MYOM3: variants seen among roughly 807,000 people sequenced by gnomAD.
MYOM3 encodes the protein myomesin 3.
In MYOM3, 155 loss-of-function variants were observed where a neutral mutation model predicts 191.7. That is an observed-to-expected ratio of 0.81 (90% CI 0.71 to 0.92). The LOEUF is 0.92. Among genes scored for constraint, MYOM3 ranks in the 40% least tolerant of loss-of-function variants. MYOM3 has a pLI of 0.00. For synonymous variants in MYOM3, 757 were observed against 762.9 expected, an observed-to-expected ratio of 0.99 and a Z score of 0.13; for missense variants, 1,889 against 1,890.6, an observed-to-expected ratio of 1.00 and a Z score of 0.02.
chr1:24,085,476 T>C (rs1387328756), intron 15 of MYOM3, among the ~76,000 whole-genome samples: 1 of 152,194 alleles, frequency 6.6e-6, no homozygotes. Context: ...TCCTTACACA[T>C]CCTTTGGTTG....
chr1:24,067,053 T>A lies in MYOM3; in HGVS notation c.3391A>T (p.Thr1131Ser), dbSNP rs533595083. Residue 1131 changes from threonine (T) to serine (S), a missense_variant, in exon 28 of 37, where the codon ACG becomes TCG. By Grantham distance (58) the Thr-to-Ser change is moderately conservative. Transcript: ENST00000374434. ...GTCAGCTGCACTTGGCAGTCCTCCG[T>A]GACCTTCCACTGCAACGGCCGCTCA... ...YFERPLQWKV[T>S]EDCQVQLTCK... 17 of 1,579,244 alleles carry A rather than the reference T, an allele frequency of 1.1e-5. No homozygotes were observed. The South Asian group carries it at 2.0e-4, about 18-fold the overall frequency.
At position 24,086,790 on chromosome 1, in the gene MYOM3, G is replaced by A. The variant is rs757794528; in HGVS notation, c.1652C>T (p.Ser551Leu). The A allele has an allele frequency of 2.9e-5, 47 of 1,614,026 alleles. No individual in the cohort carries two copies. In the Admixed American group the frequency reaches 6.5e-4, roughly 22 times the overall value. Residue 551 changes from serine (S) to leucine (L), a missense_variant, in exon 15 of 37, where the codon TCG becomes TTG. Ser to Leu is a moderately radical substitution (Grantham distance 145). Transcript: ENST00000374434. Reference protein sequence around the residue: ...IGSGTWEAISSESPVRSPRFA... With the variant: ...IGSGTWEAISLESPVRSPRFA... Reference sequence around the variant, plus strand: ...TCTCGGGGATCTCACAGGGCTTTCCGAGCTGATGGCCTCCCAGGTGCCACT... The same window carrying A: ...TCTCGGGGATCTCACAGGGCTTTCCAAGCTGATGGCCTCCCAGGTGCCACT...
chr1:24,057,335 A>G lies in MYOM3; in HGVS notation c.*29T>C. 1 of 1,602,166 alleles carries G rather than the reference A, an allele frequency of 6.2e-7. No individual in the cohort carries two copies. Among genetic ancestry groups the G allele is most frequent in the Non-Finnish European group, 8.5e-7 (1 of 1,173,610 alleles). On this transcript the variant is annotated 3_prime_UTR_variant, in exon 37 of 37. Coordinates refer to ENST00000374434, the MANE Select transcript of MYOM3 (RefSeq NM_152372.4). ...TTGTCCCTACTGGTCCATGTAGACT[A>G]GACTCAGACTGTGCCTGGACACACG...
intron 16 of MYOM3, 67 bp from the exon 17 acceptor site, chr1:24,082,781 A>C (rs1643689691): frequency 2.0e-6 from 3 of 1,494,258 alleles, no homozygotes; most frequent in Middle Eastern, 1.8e-4. Flanking sequence ...AACTTGCTAG[A>C]ACAACTTTGT....
intron 27 of MYOM3, among the ~76,000 whole-genome samples, chr1:24,067,289 T>TTTCTTTCTTTCTTTCTTTCC (rs1643450315): frequency 2.3e-5 from 3 of 132,302 alleles, no homozygotes; most frequent in Non-Finnish European, 4.7e-5. Flanking sequence ...CCTTCCTTTC[T>TTTCTTTCTTTCTTTCTTTCC]TTCTTTCTTT....
At chr1:24,064,421 A>G (rs1335034758) in intron 29 of MYOM3, 2 of 465,068 alleles carry the variant, frequency 4.3e-6, no homozygotes, top group Non-Finnish European at 7.7e-6. Flanking sequence ...TTGAGGACAG[A>G]ACCAGACACC....
rs576678941 is a variant in MYOM3 at position 24,105,926 on chromosome 1, A to G, written c.554T>C (p.Val185Ala). The G allele has an allele frequency of 7.5e-5, 121 of 1,603,990 alleles. 2 individuals carry two copies. In the African/African-American group the frequency reaches 1.1e-3, roughly 15 times the overall value. The part of the protein sequence containing the change: ...CTVQASPPPQ[V>A]TWYKNDTRID... ...TCCTGCCCCAGCGGCTTACCAGGTG[A>G]CCTGGGGTGGTGGTGAGGCCTGGAC... Residue 185 changes from valine to alanine, a missense_variant, in exon 5 of 37, where the codon GTC (valine) becomes GCC (alanine). Transcript: ENST00000374434.
intron 1 of MYOM3, among the ~76,000 whole-genome samples, chr1:24,110,189 C>T (rs1006096431): frequency 2.0e-5 from 3 of 152,218 alleles, no homozygotes; most frequent in African/African-American, 7.2e-5. Context: ...TCCTGGTCTG[C>T]AGGCTTCTGG....
chr1:24,099,643 T>G (rs1570884739), intron 6 of MYOM3, 37 bp downstream of exon 6: 1 of 1,535,236 alleles, frequency 6.5e-7, no homozygotes, highest in South Asian at 1.1e-5. Flanking sequence ...GGTGGCAGGG[T>G]CTGGGGTCAT....
At position 24,095,505 on chromosome 1, in the gene MYOM3, A is replaced by G. The variant is rs757905027; in HGVS notation, c.746-19T>C. 1.4e-5 allele frequency: 23 copies of G among 1,611,366 alleles called. No homozygotes were observed. Among genetic ancestry groups the G allele is most frequent in the Non-Finnish European group, 2.0e-5 (23 of 1,178,290 alleles). On this transcript the variant is annotated intron_variant, in intron 7 of 36. Transcript: ENST00000374434. ...AGGTAAGCTGAAAAACCAAAGGCAA[A>G]CAGAGTTGGAGAAGGTTCAGAGCCC...
rs1405053843 is a variant in MYOM3, at chr1:24,057,249, T to G, written c.*115A>C. 42 of 1,065,048 alleles carry G rather than the reference T, an allele frequency of 3.9e-5. No individual in the cohort carries two copies. The highest frequency in any genetic ancestry group is 5.7e-5 in the Non-Finnish European group (42 of 740,176). 66.0% of individuals were successfully genotyped at this position (1,065,048 alleles called of 1,614,324 possible). ...CCACCCTCACATCCTGGGTTCTATC[T>G]TGTCCCCTTTCCTTCTGCCCCACCC... is the stretch of plus-strand genomic sequence containing the variant. On this transcript the variant is annotated 3_prime_UTR_variant, in exon 37 of 37. Transcript: ENST00000374434.
intron 36 of MYOM3, 68 bp from the exon 37 acceptor site, chr1:24,057,695 GC>G: frequency 1.4e-6 from 2 of 1,461,964 alleles, no homozygotes; most frequent in Non-Finnish European, 1.9e-6. Context: ...TTGCTTTCAT[GC>G]CCCCAGAGAG....
Position 24,074,259 on chromosome 1 carries a change from T to A in MYOM3, c.2869A>T (p.Ile957Phe). 1 of 1,613,930 alleles carries A rather than the reference T, an allele frequency of 6.2e-7. No homozygotes were observed. Among genetic ancestry groups the A allele is most frequent in the African/African-American group, 1.3e-5 (1 of 75,036 alleles). The change falls in exon 23 of 37, where the codon ATC (isoleucine) becomes TTC (phenylalanine). Residue 957 changes from isoleucine (I) to phenylalanine (F), a missense_variant. Ile to Phe is a conservative substitution (Grantham distance 21). Transcript: ENST00000374434. ...TCCTCGAGGCCGGGTTCTTTCAGGA[T>A]GACCTTGGACCTGGCAGAGAGAGGA... The part of the protein sequence containing the change: ...IEDKVNKSKV[I>F]LKEPGLEDLG...
In MYOM3 at chr1:24,079,990, C is replaced by T. The variant is rs752033967; in HGVS notation, c.2586+26G>A. 22 of 1,583,850 alleles carry T rather than the reference C, an allele frequency of 1.4e-5. No individual in the cohort carries two copies. The Admixed American group carries it at 3.8e-4, about 27-fold the overall frequency. ...GTGGCAGGGAAGGCTCAGGGCCAGT[C>T]AGAAGATGAAGGCATAAGAACTTAC... On this transcript the variant is annotated intron_variant, in intron 20 of 36. Transcript: ENST00000374434.
intron 23 of MYOM3, 74 bp downstream of exon 23, chr1:24,074,086 G>T: frequency 8.1e-7 from 1 of 1,228,598 alleles, no homozygotes; most frequent in Admixed American, 2.0e-5. Flanking sequence ...GTTGCTTTTT[G>T]CTGACCTGTG....
At chr1:24,106,195 C>T (rs1643982079) in intron 4 of MYOM3, 118 bp from the exon 5 acceptor site, 2 of 1,162,090 alleles carry the variant, frequency 1.7e-6, no homozygotes, top group Non-Finnish European at 2.4e-6. Context: ...GGCTGGAGTT[C>T]CCGGTCCCCT....
At chr1:24,070,441 A>G (rs1279647674) in intron 25 of MYOM3, among the ~76,000 whole-genome samples, 3 of 151,942 alleles carry the variant, frequency 2.0e-5, no homozygotes, top group Non-Finnish European at 2.9e-5. Context: ...TATAAAAATT[A>G]GCTGGGCGTG....
chr1:24,066,014 G>T lies in MYOM3; in HGVS notation c.3424-13C>A. ...TGGTGTTGGTCACCTGGGGAAGGTG[G>T]GGAATGAGGAGACTCTGTCAGGCTT... is the stretch of plus-strand genomic sequence containing the variant. On this transcript the variant is annotated splice_polypyrimidine_tract_variant and intron_variant, in intron 28 of 36. Transcript: ENST00000374434. 1 of 1,544,826 alleles carries T rather than the reference G, an allele frequency of 6.5e-7. No individual in the cohort carries two copies. Among genetic ancestry groups the T allele is most frequent in the Non-Finnish European group, 9.0e-7 (1 of 1,116,612 alleles).
At chr1:24,099,856 C>T in intron 5 of MYOM3, 81 bp from the exon 6 acceptor site, 1 of 1,029,996 alleles carries the variant, frequency 9.7e-7, no homozygotes, top group Non-Finnish European at 1.5e-6. Context: ...GGGATTCCAG[C>T]TGCAGGTTTT....
Sources: allele counts gnomAD v4.1 joint callset (sites outside exome capture counted in the v4.1 genomes callset), GRCh38; gene constraint gnomAD v4.1.1; transcripts MANE v1.5; gene names NCBI Gene and HGNC (gene_info 2026-07-23, HGNC 2026-07-21).